Variants in FOXO1 observed in about 807,000 individuals in gnomAD.
The protein encoded by FOXO1 is forkhead box O1, also known as forkhead box protein O1.
In FOXO1, 6 loss-of-function variants were observed where a neutral mutation model predicts 44.1. That is an observed-to-expected ratio of 0.14 (90% CI 0.07 to 0.27). The LOEUF (loss-of-function observed/expected upper bound fraction) is 0.27. FOXO1 is among the 10% of genes least tolerant of loss of function. The pLI is 1.00. For missense variants in FOXO1, 737 were observed against 888.8 expected, an observed-to-expected ratio of 0.83 and a Z score of 2.17; for synonymous variants, 380 against 362.7, an observed-to-expected ratio of 1.05 and a Z score of -0.54.
intron 1 of FOXO1, among the ~76,000 whole-genome samples, chr13:40,645,648 T>C (rs1877484818): frequency 6.6e-6 from 1 of 152,176 alleles, no homozygotes; most frequent in African/African-American, 2.4e-5. Flanking sequence ...TAGAGAAATT[T>C]ATTCAAGTCA....
intron 1 of FOXO1, among the ~76,000 whole-genome samples, chr13:40,596,431 A>T (rs971230871): frequency 2.4e-4 from 37 of 152,198 alleles, no homozygotes; most frequent in Admixed American, 2.0e-3. Context: ...GCTACTCCAT[A>T]TATGAGAAAT....
chr13:40,631,508 T>C (rs766405330), intron 1 of FOXO1, among the ~76,000 whole-genome samples: 51 of 152,326 alleles, frequency 3.3e-4, no homozygotes, highest in Non-Finnish European at 6.3e-4. Flanking sequence ...GACACCACCG[T>C]TTGTACATCC....
At chr13:40,591,057 A>C (rs1025214985) in intron 1 of FOXO1, among the ~76,000 whole-genome samples, 1 of 152,136 alleles carries the variant, frequency 6.6e-6, no homozygotes, top group Non-Finnish European at 1.5e-5. Flanking sequence ...ACCCCTTTAT[A>C]CCAAAGGCAA....
chr13:40,590,975 T>C (rs1024291659), intron 1 of FOXO1, among the ~76,000 whole-genome samples: 5 of 152,072 alleles, frequency 3.3e-5, no homozygotes, highest in African/African-American at 1.2e-4. Context: ...TACTAAAGTA[T>C]TGAAAAAGAA....
At chr13:40,638,878 C>T (rs986524277) in intron 1 of FOXO1, among the ~76,000 whole-genome samples, 1 of 152,002 alleles carries the variant, frequency 6.6e-6, no homozygotes, top group African/African-American at 2.4e-5. Flanking sequence ...GGCAGGGCAG[C>T]GCACCACCTC....
At chr13:40,605,046 GTTCT>G (rs1320364077) in intron 1 of FOXO1, among the ~76,000 whole-genome samples, 6 of 151,798 alleles carry the variant, frequency 4.0e-5, no homozygotes, top group South Asian at 4.2e-4. Flanking sequence ...AATTAGTGAT[GTTCT>G]TTATCATTTA....
chr13:40,642,748 G>A (rs572663406), intron 1 of FOXO1, among the ~76,000 whole-genome samples: 2 of 152,096 alleles, frequency 1.3e-5, no homozygotes, highest in Admixed American at 6.5e-5. Flanking sequence ...GCAAAACACC[G>A]TCTCTACCAA....
At chr13:40,636,223 C>CA (rs1269221753) in intron 1 of FOXO1, among the ~76,000 whole-genome samples, 2 of 151,210 alleles carry the variant, frequency 1.3e-5, no homozygotes, top group East Asian at 1.9e-4. Flanking sequence ...AAAAAAAAAA[C>CA]AAAAAACAAA....
chr13:40,627,792 C>T lies in FOXO1; in HGVS notation c.630+37791G>A, dbSNP rs9577079. On this transcript the variant is annotated intron_variant, in intron 1 of 2. Transcript: ENST00000379561. ...AGGTTGCAGTGAGCCAAGATCGCGC[C>T]ATTGCACTCCAGCCTGGGCAACAGA... Among the ~76,000 whole-genome samples, 162 of 150,952 alleles carry T rather than the reference C, an allele frequency of 1.1e-3. 4 individuals carry two copies. In the East Asian group the frequency reaches 0.019, roughly 18 times the overall value.
At chr13:40,660,013 CTAAG>C (rs1349487998) in intron 1 of FOXO1, among the ~76,000 whole-genome samples, 3 of 152,196 alleles carry the variant, frequency 2.0e-5, no homozygotes, top group African/African-American at 4.8e-5. Context: ...CTTCCACACT[CTAAG>C]TATTTGTACA....
intron 1 of FOXO1, among the ~76,000 whole-genome samples, chr13:40,639,201 A>G (rs940548951): frequency 2.0e-5 from 3 of 146,526 alleles, no homozygotes; most frequent in African/African-American, 7.5e-5. Context: ...CTCTGTCTTT[A>G]AAAAAAAAAA....
chr13:40,596,647 A>AC (rs1311328226), intron 1 of FOXO1, among the ~76,000 whole-genome samples: 2 of 152,200 alleles, frequency 1.3e-5, no homozygotes, highest in Admixed American at 6.5e-5. Context: ...TAGGATTATC[A>AC]CTGTCACCAT....
intron 1 of FOXO1, among the ~76,000 whole-genome samples, chr13:40,657,104 G>C (rs1877883084): frequency 6.6e-6 from 1 of 152,014 alleles, no homozygotes; most frequent in African/African-American, 2.4e-5. Context: ...ATATTTTCAG[G>C]CCTTTATGAA....
rs74044542 is a variant in FOXO1 at position 40,600,367 on chromosome 13, G to A, written c.631-39507C>T. ...TGAACCAGTCAGAAGGCATCACCAC[G>A]GAAGTGCACAGGGGCTTTACCTTGG... On this transcript the variant is annotated intron_variant, in intron 1 of 2. Transcript: ENST00000379561. Among the ~76,000 whole-genome samples the A allele has an allele frequency of 5.8e-3, 880 of 152,290 alleles. 7 individuals carry two copies. Among genetic ancestry groups the A allele is most frequent in the African/African-American group, 0.02 (840 of 41,556 alleles).
At chr13:40,653,280 C>A (rs1877745802) in intron 1 of FOXO1, among the ~76,000 whole-genome samples, 1 of 152,124 alleles carries the variant, frequency 6.6e-6, no homozygotes, top group African/African-American at 2.4e-5. Flanking sequence ...AAATGCATTT[C>A]TTTTCAGGTA....
chr13:40,636,981 A>T (rs906443437), intron 1 of FOXO1, among the ~76,000 whole-genome samples: 1 of 152,156 alleles, frequency 6.6e-6, no homozygotes, highest in Non-Finnish European at 1.5e-5. Context: ...TGTAGCTCTC[A>T]TAACAACCCT....
At chr13:40,573,368 T>G (rs1182927127) in intron 1 of FOXO1, among the ~76,000 whole-genome samples, 1 of 152,190 alleles carries the variant, frequency 6.6e-6, no homozygotes, top group African/African-American at 2.4e-5. Context: ...AGATCACTCC[T>G]GGGCTAAAGG....
intron 1 of FOXO1, among the ~76,000 whole-genome samples, chr13:40,662,957 A>AC (rs1283736939): frequency 1.3e-5 from 2 of 152,254 alleles, no homozygotes; most frequent in Admixed American, 6.5e-5. Context: ...TATGAAACTA[A>AC]CCAAAAGACT....
chr13:40,618,426 C>T (rs1049812669), intron 1 of FOXO1, among the ~76,000 whole-genome samples: 1 of 152,204 alleles, frequency 6.6e-6, no homozygotes, highest in African/African-American at 2.4e-5. Flanking sequence ...TACTAAAATA[C>T]CCACTCATCT....
Sources: allele counts gnomAD v4.1 joint callset (sites outside exome capture counted in the v4.1 genomes callset), GRCh38; gene constraint gnomAD v4.1.1; transcripts MANE v1.5; gene names NCBI Gene and HGNC (gene_info 2026-07-23, HGNC 2026-07-21).